ZBTB20: variants seen among roughly 807,000 people sequenced by gnomAD.
The protein encoded by ZBTB20 is zinc finger and BTB domain-containing protein 20.
In ZBTB20, 9 loss-of-function variants were observed where a neutral mutation model predicts 56.9. The observed-to-expected ratio is 0.16, with a 90% CI of 0.10 to 0.28. The LOEUF (loss-of-function observed/expected upper bound fraction) is 0.28, where lower values mean the gene tolerates loss of function less well. Ranked by LOEUF, ZBTB20 falls within the 10% of genes least tolerant of loss-of-function variation. ZBTB20 has a pLI of 1.00. For missense variants in ZBTB20, 655 were observed against 1,003.0 expected (o/e 0.65, Z 4.69); for synonymous variants, 417 against 420.7 (o/e 0.99, Z 0.11).
chr3:114,504,195 G>C (rs896121989), intron 6 of ZBTB20, among the ~76,000 whole-genome samples: 9 of 152,156 alleles, frequency 5.9e-5, no homozygotes, highest in African/African-American at 2.2e-4. Flanking sequence ...AGGCCTGCCA[G>C]ACTCCTACCT....
intron 6 of ZBTB20, among the ~76,000 whole-genome samples, chr3:114,680,748 C>A (rs755490907): frequency 5.9e-5 from 9 of 152,084 alleles, no homozygotes; most frequent in Admixed American, 1.3e-4. Context: ...TGACAATGAT[C>A]GTTACTGAAT....
At chr3:114,592,112 A>G (rs4682546) in intron 6 of ZBTB20, among the ~76,000 whole-genome samples, 64,670 of 152,058 alleles carry the variant, frequency 0.43, 16,744 homozygotes, top group East Asian at 0.77. Flanking sequence ...ACCGACCTCA[A>G]TAGCATGTCA....
At chr3:114,676,212 G>A (rs1012113558) in intron 6 of ZBTB20, among the ~76,000 whole-genome samples, 4 of 152,102 alleles carry the variant, frequency 2.6e-5, no homozygotes, top group African/African-American at 7.2e-5. Flanking sequence ...AACAAATTAC[G>A]TATTCATTTG....
chr3:114,937,522 A>T (rs2076581271), intron 3 of ZBTB20, among the ~76,000 whole-genome samples: 1 of 151,692 alleles, frequency 6.6e-6, no homozygotes, highest in Admixed American at 6.6e-5. Flanking sequence ...CCCGCGTTCA[A>T]GTGATTCTCC....
At chr3:115,016,181 ATTTGT>A (rs2079948704) in intron 2 of ZBTB20, among the ~76,000 whole-genome samples, 1 of 151,802 alleles carries the variant, frequency 6.6e-6, no homozygotes, top group Non-Finnish European at 1.5e-5. Flanking sequence ...TTTCTTGTAA[ATTTGT>A]TTAAGTTCCT....
At chr3:114,879,466 G>T (rs1304926406) in intron 4 of ZBTB20, among the ~76,000 whole-genome samples, 11 of 152,060 alleles carry the variant, frequency 7.2e-5, no homozygotes, top group Non-Finnish European at 1.6e-4. Flanking sequence ...GGAATGAGTA[G>T]TCAGGAAGTT....
At chr3:114,858,745 T>C (rs2075358135) in intron 4 of ZBTB20, among the ~76,000 whole-genome samples, 1 of 152,146 alleles carries the variant, frequency 6.6e-6, no homozygotes, top group Non-Finnish European at 1.5e-5. Flanking sequence ...ACTTTGGACA[T>C]TAAAGTAAAA....
intron 4 of ZBTB20, among the ~76,000 whole-genome samples, chr3:114,886,075 C>T (rs1262925225): frequency 6.6e-6 from 1 of 152,198 alleles, no homozygotes; most frequent in Non-Finnish European, 1.5e-5. Flanking sequence ...ACCTTCTGCT[C>T]CCTCTACCCA....
chr3:114,458,699 C>T (rs1207902452), intron 7 of ZBTB20, among the ~76,000 whole-genome samples: 1 of 151,510 alleles, frequency 6.6e-6, no homozygotes. Flanking sequence ...AATTATTAAC[C>T]CATTTATTAG....
chr3:114,527,852 C>T (rs889647332), intron 6 of ZBTB20, among the ~76,000 whole-genome samples: 1 of 151,976 alleles, frequency 6.6e-6, no homozygotes, highest in Non-Finnish European at 1.5e-5. Context: ...AAATTTAGAA[C>T]AAATTATTTG....
At chr3:114,400,232 CT>C (rs2108691660) in intron 7 of ZBTB20, among the ~76,000 whole-genome samples, 1 of 152,202 alleles carries the variant, frequency 6.6e-6, no homozygotes, top group East Asian at 1.9e-4. Context: ...ATTGTTCTCA[CT>C]TATAAAGTCA....
intron 6 of ZBTB20, among the ~76,000 whole-genome samples, chr3:114,524,109 C>T (rs1184371716): frequency 6.6e-6 from 1 of 152,130 alleles, no homozygotes; most frequent in Non-Finnish European, 1.5e-5. Flanking sequence ...TGATTAAAAT[C>T]ATTGTCCATG....
chr3:114,435,765 G>A (rs957336250), intron 7 of ZBTB20, among the ~76,000 whole-genome samples: 9 of 152,028 alleles, frequency 5.9e-5, no homozygotes, highest in Admixed American at 6.5e-5. Flanking sequence ...AAAGTCTAAC[G>A]AGAATAAAAA....
chr3:114,354,123 AT>A (rs1259147123), intron 10 of ZBTB20, among the ~76,000 whole-genome samples: 1 of 152,234 alleles, frequency 6.6e-6, no homozygotes, highest in Non-Finnish European at 1.5e-5. Context: ...ATGCTTTGAC[AT>A]AGCCTCAGTT....
At chr3:114,362,902 C>G (rs2082035825) in intron 10 of ZBTB20, among the ~76,000 whole-genome samples, 1 of 152,200 alleles carries the variant, frequency 6.6e-6, no homozygotes, top group East Asian at 1.9e-4. Context: ...AAATATCTAT[C>G]AATCAGCATT....
chr3:114,631,831 T>C (rs1328198888), intron 6 of ZBTB20, among the ~76,000 whole-genome samples: 3 of 152,232 alleles, frequency 2.0e-5, no homozygotes, highest in East Asian at 3.9e-4. Flanking sequence ...ACTGTGATCA[T>C]TGTTAGAACT....
chr3:114,366,447 T>G (rs1366912880), intron 10 of ZBTB20, among the ~76,000 whole-genome samples: 1 of 152,318 alleles, frequency 6.6e-6, no homozygotes, highest in East Asian at 1.9e-4. Flanking sequence ...CACATATATT[T>G]TCTCTGTAAA....
intron 6 of ZBTB20, among the ~76,000 whole-genome samples, chr3:114,619,385 G>GA (rs1390551988): frequency 5.9e-5 from 9 of 151,966 alleles, no homozygotes; most frequent in African/African-American, 1.9e-4. Flanking sequence ...TAAACTCCAG[G>GA]AAAAAAATTG....
At chr3:114,757,736 G>T (rs2093853595) in intron 5 of ZBTB20, among the ~76,000 whole-genome samples, 1 of 152,008 alleles carries the variant, frequency 6.6e-6, no homozygotes, top group African/African-American at 2.4e-5. Flanking sequence ...AATAAAATAG[G>T]ATATAGTAAG....
Sources: gnomAD v4.1 joint callset for allele counts (sites outside exome capture counted in the v4.1 genomes callset) on GRCh38, gnomAD v4.1.1 for gene constraint, MANE v1.5 for transcripts, NCBI Gene and HGNC (gene_info 2026-07-23, HGNC 2026-07-21) for gene names.